Variants in AP3S1 observed in about 807,000 individuals in gnomAD.
The protein encoded by AP3S1 is AP-3 complex subunit sigma-1.
AP3S1 carries 12 observed loss-of-function variants against 21.3 expected under a neutral mutation model. The observed-to-expected ratio is 0.56, with a 90% CI of 0.36 to 0.91. The LOEUF (loss-of-function observed/expected upper bound fraction) is 0.91, where lower values mean the gene tolerates loss of function less well. Ranked by LOEUF, AP3S1 falls within the 40% of genes least tolerant of loss-of-function variation. AP3S1 has a pLI of 0.01. For missense variants in AP3S1, 116 were observed against 225.0 expected, an observed-to-expected ratio of 0.52 and a Z score of 3.10; for synonymous variants, 48 against 78.4, an observed-to-expected ratio of 0.61 and a Z score of 2.05.
At chr5:115,857,628 A>T (rs889733335) in intron 1 of AP3S1, among the ~76,000 whole-genome samples, 1 of 152,150 alleles carries the variant, frequency 6.6e-6, no homozygotes, top group Non-Finnish European at 1.5e-5. Context: ...CTCCCTTTCC[A>T]CAAGTAACTA....
chr5:115,877,142 ATATT>A lies in AP3S1; in HGVS notation c.273+7017_273+7020del, dbSNP rs555873077. Among the ~76,000 whole-genome samples the A allele has an allele frequency of 5.3e-5, 8 of 152,206 alleles. 1 individual carries two copies. In the South Asian group the frequency reaches 1.0e-3, roughly 20 times the overall value. ...TGGGGTTTTTTTCTATCATACCTCA[ATATT>A]TAATAGTTGAAATTCTCCTGTGAGG... On this transcript the variant is annotated intron_variant, in intron 3 of 5. Coordinates refer to ENST00000316788, the MANE Select transcript of AP3S1 (RefSeq NM_001284.4).
At chr5:115,872,704 A>G (rs1266019391) in intron 3 of AP3S1, among the ~76,000 whole-genome samples, 9 of 151,720 alleles carry the variant, frequency 5.9e-5, no homozygotes, top group Middle Eastern at 6.8e-3. Flanking sequence ...TCTAGTAAAG[A>G]AAAAGAAGCC....
chr5:115,882,797 C>T (rs921957182), intron 3 of AP3S1, among the ~76,000 whole-genome samples: 9 of 152,226 alleles, frequency 5.9e-5, no homozygotes, highest in African/African-American at 2.2e-4. Flanking sequence ...AAGCTGTGCT[C>T]ACAGCCACCC....
intron 1 of AP3S1, among the ~76,000 whole-genome samples, chr5:115,851,710 A>T (rs1205858849): frequency 6.6e-6 from 1 of 152,008 alleles, no homozygotes; most frequent in East Asian, 1.9e-4. Context: ...TATATTCTAG[A>T]TATCAGTCTC....
intron 4 of AP3S1, among the ~76,000 whole-genome samples, chr5:115,898,058 C>T (rs1750908792): frequency 6.6e-6 from 1 of 152,192 alleles, no homozygotes. Context: ...AGGGTTATTT[C>T]CCATTCACGC....
At chr5:115,907,637 C>A (rs933844416) in intron 5 of AP3S1, among the ~76,000 whole-genome samples, 1 of 152,190 alleles carries the variant, frequency 6.6e-6, no homozygotes, top group African/African-American at 2.4e-5. Context: ...ATGTCATAAT[C>A]AGAATCAATA....
Position 115,913,212 on chromosome 5 carries a change from G to A in AP3S1, c.454-150G>A. 3 of 624,288 alleles carry A rather than the reference G, an allele frequency of 4.8e-6. 1 individual carries two copies. The South Asian group carries it at 1.4e-4, about 28-fold the overall frequency. The allele number at this position is 624,288 out of a possible 1,614,324, so 38.7% of individuals were successfully genotyped here. ...TCTCTTTATAGATTAGTATTTCAAA[G>A]TAACCATTCCATACCAATTCAAACT... is the stretch of plus-strand genomic sequence containing the variant. On this transcript the variant is annotated intron_variant, in intron 5 of 5. Transcript: ENST00000316788.
rs957755771 is a variant in AP3S1 at position 115,909,011 on chromosome 5, C to A, written c.454-4351C>A. 12 of 983,512 alleles carry A rather than the reference C, an allele frequency of 1.2e-5. No homozygotes were observed. In the East Asian group the frequency reaches 1.4e-3, roughly 112 times the overall value. 60.9% of individuals were successfully genotyped at this position (983,512 alleles called of 1,614,324 possible). ...ATTATGAATGTGCATATAGCAACTT[C>A]CAGCAGGAAGGGTGGGTAAAGGTTT... On this transcript the variant is annotated intron_variant, in intron 5 of 5. Coordinates refer to ENST00000316788, the MANE Select transcript of AP3S1 (RefSeq NM_001284.4).
At chr5:115,905,820 T>C (rs1165161157) in intron 5 of AP3S1, among the ~76,000 whole-genome samples, 1 of 152,202 alleles carries the variant, frequency 6.6e-6, no homozygotes, top group African/African-American at 2.4e-5. Flanking sequence ...CTAATCTTCT[T>C]ACTAAATTTC....
At position 115,900,747 on chromosome 5, in the gene AP3S1, C is replaced by T. The variant is rs114742435; in HGVS notation, c.346-2138C>T. On this transcript the variant is annotated intron_variant, in intron 4 of 5. Coordinates refer to ENST00000316788, the MANE Select transcript of AP3S1 (RefSeq NM_001284.4). ...TGACGATTTGGGCACTGTGTTTGCT[C>T]ATTGTTACTGGGGTGACATGACTCC... Among the ~76,000 whole-genome samples, 118 of 152,284 alleles carry T rather than the reference C, an allele frequency of 7.7e-4. 1 individual carries two copies. Among genetic ancestry groups the T allele is most frequent in the Non-Finnish European group, 1.6e-3 (110 of 68,024 alleles).
chr5:115,893,363 A>G (rs1750481922), intron 3 of AP3S1, among the ~76,000 whole-genome samples: 1 of 152,208 alleles, frequency 6.6e-6, no homozygotes. Context: ...AGAAAAGGAA[A>G]TTTTTAGGAA....
intron 1 of AP3S1, among the ~76,000 whole-genome samples, chr5:115,862,990 C>T (rs1177105994): frequency 1.3e-5 from 2 of 152,194 alleles, no homozygotes; most frequent in Non-Finnish European, 2.9e-5. Flanking sequence ...TGGTCAGGCA[C>T]GGTGGCTCAT....
intron 1 of AP3S1, 39 bp downstream of exon 1, chr5:115,842,145 T>C: frequency 1.3e-6 from 2 of 1,525,356 alleles, no homozygotes; most frequent in Non-Finnish European, 1.8e-6. Context: ...CGAGGGGGAG[T>C]CGTTGGCGAC....
intron 1 of AP3S1, among the ~76,000 whole-genome samples, chr5:115,865,869 G>A (rs555020586): frequency 3.9e-5 from 6 of 152,300 alleles, no homozygotes; most frequent in Non-Finnish European, 8.8e-5. Context: ...CGCGATCTCA[G>A]CTCACTGTAA....
At chr5:115,874,323 A>C (rs1385929100) in intron 3 of AP3S1, among the ~76,000 whole-genome samples, 1 of 152,010 alleles carries the variant, frequency 6.6e-6, no homozygotes, top group East Asian at 1.9e-4. Flanking sequence ...TTGTTATTGG[A>C]AGTGTTAAAA....
chr5:115,896,069 G>A (rs1270472754), intron 4 of AP3S1, among the ~76,000 whole-genome samples: 3 of 152,072 alleles, frequency 2.0e-5, no homozygotes, highest in Non-Finnish European at 4.4e-5. Context: ...CTGAGTAAGA[G>A]TCTGAAAATT....
At chr5:115,877,293 C>T (rs561552776) in intron 3 of AP3S1, among the ~76,000 whole-genome samples, 1 of 152,056 alleles carries the variant, frequency 6.6e-6, no homozygotes. Flanking sequence ...CCCATCAACC[C>T]GTCATCTACA....
chr5:115,908,251 G>A (rs1192287471), intron 5 of AP3S1, among the ~76,000 whole-genome samples: 1 of 152,080 alleles, frequency 6.6e-6, no homozygotes, highest in Admixed American at 6.6e-5. Context: ...ATTATTGCCA[G>A]TTTCTGTGTT....
intron 4 of AP3S1, among the ~76,000 whole-genome samples, chr5:115,898,489 C>G (rs921543737): frequency 2.6e-5 from 4 of 152,174 alleles, no homozygotes; most frequent in Non-Finnish European, 5.9e-5. Flanking sequence ...ACAGGTGCCC[C>G]AAGAGGATAG....
Sources: gnomAD v4.1 joint callset for allele counts (sites outside exome capture counted in the v4.1 genomes callset) on GRCh38, gnomAD v4.1.1 for gene constraint, MANE v1.5 for transcripts, NCBI Gene and HGNC (gene_info 2026-07-23, HGNC 2026-07-21) for gene names.